Variants in ABCA13 observed in about 807,000 individuals in gnomAD.
ABCA13 encodes ATP binding cassette subfamily A member 13, also known as ATP-binding cassette sub-family A member 13.
Under a neutral mutation model 478.7 loss-of-function variants are expected in ABCA13, and 476 were observed. The ratio of observed to expected loss-of-function variants is 0.99; its 90% CI spans 0.92 to 1.07. The LOEUF (loss-of-function observed/expected upper bound fraction) is 1.07, where lower values mean the gene tolerates loss of function less well. ABCA13 is among the 50% of genes least tolerant of loss of function. The pLI is 0.00. For synonymous variants in ABCA13, 2,252 were observed against 2,158.9 expected, an observed-to-expected ratio of 1.04 and a Z score of -1.20; for missense variants, 6,060 against 5,910.6, an observed-to-expected ratio of 1.03 and a Z score of -0.83.
intron 43 of ABCA13, among the ~76,000 whole-genome samples, chr7:48,461,106 G>T (rs984286195): frequency 1.3e-5 from 2 of 152,196 alleles, no homozygotes; most frequent in African/African-American, 4.8e-5. Flanking sequence ...GAAATATAAT[G>T]AAAGTTATTT....
chr7:48,603,527 A>C (rs1791133966), intron 58 of ABCA13, among the ~76,000 whole-genome samples: 1 of 152,170 alleles, frequency 6.6e-6, no homozygotes, highest in African/African-American at 2.4e-5. Context: ...GTGATGGATT[A>C]TGTTTATTGA....
chr7:48,309,473 G>A (rs1391881508), intron 23 of ABCA13, among the ~76,000 whole-genome samples: 1 of 152,054 alleles, frequency 6.6e-6, no homozygotes, highest in Non-Finnish European at 1.5e-5. Flanking sequence ...TATATAACAA[G>A]CTTGGTAATC....
chr7:48,467,275 A>C (rs1468709954), intron 44 of ABCA13, among the ~76,000 whole-genome samples: 1 of 152,200 alleles, frequency 6.6e-6, no homozygotes, highest in Admixed American at 6.5e-5. Context: ...TCGTACATGC[A>C]TGCTTTATAT....
chr7:48,435,877 A>T (rs1161594300), intron 42 of ABCA13, among the ~76,000 whole-genome samples: 1 of 149,114 alleles, frequency 6.7e-6, no homozygotes, highest in Non-Finnish European at 1.5e-5. Context: ...CCTTGTCATG[A>T]TGTGTAATCA....
intron 55 of ABCA13, among the ~76,000 whole-genome samples, chr7:48,534,103 G>T (rs879726173): frequency 6.6e-6 from 1 of 152,058 alleles, no homozygotes; most frequent in Non-Finnish European, 1.5e-5. Context: ...TTCTATTTTG[G>T]TGTATTTTGA....
intron 46 of ABCA13, 115 bp downstream of exon 46, chr7:48,481,269 A>C (rs960694920): frequency 1.1e-5 from 9 of 817,758 alleles, no homozygotes; most frequent in African/African-American, 8.7e-5. Flanking sequence ...CTTGGTGCTC[A>C]TAAAAATTCC....
At chr7:48,403,495 T>A (rs1256528043) in intron 38 of ABCA13, among the ~76,000 whole-genome samples, 188 bp from the exon 39 acceptor site, 1 of 152,240 alleles carries the variant, frequency 6.6e-6, no homozygotes. Flanking sequence ...TTGGCGTGGT[T>A]CCATCTGAAC....
chr7:48,530,816 C>T (rs912615195), intron 55 of ABCA13, among the ~76,000 whole-genome samples: 15 of 152,084 alleles, frequency 9.9e-5, no homozygotes, highest in African/African-American at 3.6e-4. Flanking sequence ...ATGTCCTTAG[C>T]CCACTTTGTG....
rs535894083 is a variant in ABCA13, at chr7:48,489,499, G to A, written c.13291+155G>A. Among the ~76,000 whole-genome samples, 4 of 152,320 alleles carry A rather than the reference G, an allele frequency of 2.6e-5. No homozygotes were observed. The South Asian group carries it at 6.2e-4, about 24-fold the overall frequency. ...CCGTGTCTAAACACAATACCAAGTT[G>A]TAGGCTGTCTTTCCCTTTGTGTGTC... On this transcript the variant is annotated intron_variant, in intron 48 of 61. Transcript: ENST00000435803.
chr7:48,463,875 G>A (rs546526172), intron 43 of ABCA13, among the ~76,000 whole-genome samples: 91 of 151,904 alleles, frequency 6.0e-4, no homozygotes, highest in Non-Finnish European at 1.1e-3. Context: ...AGGAATGGAG[G>A]AAGGAAGGGG....
Position 48,454,590 on chromosome 7 carries a change from G to A in ABCA13, c.12566-447G>A, listed in dbSNP as rs923572543. Among the ~76,000 whole-genome samples, 99 of 152,078 alleles carry A rather than the reference G, an allele frequency of 6.5e-4. 1 individual carries two copies. The highest frequency in any genetic ancestry group is 2.3e-3 in the African/African-American group (96 of 41,420). The stretch of plus-strand genomic sequence containing the variant: ...AGTGGAAGGCGCCGGGAGGAGCGGG[G>A]GCGGGGTGCAGGGACGGTGGAACTG... On this transcript the variant is annotated intron_variant, in intron 42 of 61. Coordinates refer to ENST00000435803, the MANE Select transcript of ABCA13 (RefSeq NM_152701.5).
At chr7:48,631,268 T>G (rs1241127307) in intron 59 of ABCA13, among the ~76,000 whole-genome samples, 1 of 152,160 alleles carries the variant, frequency 6.6e-6, no homozygotes, top group African/African-American at 2.4e-5. Context: ...CTAGATTTTC[T>G]TCTATGATTT....
Position 48,240,822 on chromosome 7 carries a change from A to G in ABCA13, c.1063-45A>G, listed in dbSNP as rs536539038. 3.5e-6 allele frequency: 5 copies of G among 1,428,942 alleles called. No individual in the cohort carries two copies. The South Asian group carries it at 5.3e-5, about 15-fold the overall frequency. 88.5% of individuals were successfully genotyped at this position (1,428,942 alleles called of 1,614,324 possible). The stretch of plus-strand genomic sequence containing the variant: ...TTCTTAACTAAATACTGTTCTTTCC[A>G]ATTTGCTATTATTAATGCTAGTATT... On this transcript the variant is annotated intron_variant, in intron 9 of 61. Transcript: ENST00000435803.
At chr7:48,402,349 G>A (rs543942346) in intron 38 of ABCA13, among the ~76,000 whole-genome samples, 29 of 152,196 alleles carry the variant, frequency 1.9e-4, no homozygotes, top group African/African-American at 7.0e-4. Context: ...TTAATAGATC[G>A]ACCTCCTCTG....
chr7:48,605,986 C>A (rs1246925698), intron 58 of ABCA13, among the ~76,000 whole-genome samples: 1 of 152,180 alleles, frequency 6.6e-6, no homozygotes, highest in African/African-American at 2.4e-5. Flanking sequence ...GATATCCTTT[C>A]TTCCACTTGA....
At chr7:48,589,550 AT>A (rs1004218740) in intron 57 of ABCA13, among the ~76,000 whole-genome samples, 26 of 152,250 alleles carry the variant, frequency 1.7e-4, no homozygotes, top group South Asian at 4.1e-4. Flanking sequence ...CATAATTGCC[AT>A]TTTTTCCCCT....
At chr7:48,308,611 A>G (rs1801265147) in intron 23 of ABCA13, among the ~76,000 whole-genome samples, 1 of 152,054 alleles carries the variant, frequency 6.6e-6, no homozygotes, top group Non-Finnish European at 1.5e-5. Context: ...TTTCATCTCC[A>G]TTATAATCAT....
intron 59 of ABCA13, chr7:48,626,973 A>G (rs757414447): frequency 7.1e-6 from 7 of 985,334 alleles, no homozygotes; most frequent in Middle Eastern, 5.2e-4. Context: ...ACGGAGGAAT[A>G]AGTAGCTGAA....
chr7:48,369,293 T>C (rs1812266485), intron 32 of ABCA13, among the ~76,000 whole-genome samples: 1 of 152,174 alleles, frequency 6.6e-6, no homozygotes, highest in Non-Finnish European at 1.5e-5. Context: ...ATATTAGTCA[T>C]TTGCTGGATA....
Sources: gnomAD v4.1 joint callset for allele counts (sites outside exome capture counted in the v4.1 genomes callset) on GRCh38, gnomAD v4.1.1 for gene constraint, MANE v1.5 for transcripts, NCBI Gene and HGNC (gene_info 2026-07-23, HGNC 2026-07-21) for gene names.